The following DGKB variants were observed in gnomAD, a reference collection of about 807,000 sequenced individuals.
DGKB encodes 90 kDa diacylglycerol kinase.
In DGKB, 67 loss-of-function variants were observed where a neutral mutation model predicts 114.3. That is an observed-to-expected ratio of 0.59 (90% CI 0.48 to 0.72). The LOEUF is 0.72. Ranked by LOEUF, DGKB falls within the 30% of genes least tolerant of loss-of-function variation. The pLI is 0.00. For missense variants in DGKB, 907 were observed against 975.2 expected, an observed-to-expected ratio of 0.93 and a Z score of 0.93; for synonymous variants, 398 against 323.1, an observed-to-expected ratio of 1.23 and a Z score of -2.49.
At chr7:14,385,215 T>C (rs918894132) in intron 21 of DGKB, among the ~76,000 whole-genome samples, 2 of 152,140 alleles carry the variant, frequency 1.3e-5, no homozygotes, top group Admixed American at 1.3e-4. Context: ...TCCTGAGTTT[T>C]GTTCTGAGGG....
intron 21 of DGKB, among the ~76,000 whole-genome samples, chr7:14,395,141 G>C (rs963671444): frequency 2.0e-5 from 3 of 152,074 alleles, no homozygotes; most frequent in Non-Finnish European, 2.9e-5. Context: ...AATAGGAAAA[G>C]TAGACTAATT....
At chr7:14,789,440 C>T (rs1411872023) in intron 2 of DGKB, among the ~76,000 whole-genome samples, 1 of 152,170 alleles carries the variant, frequency 6.6e-6, no homozygotes, top group Non-Finnish European at 1.5e-5. Context: ...TTTTTTATCA[C>T]TGAATACTAT....
At chr7:14,847,076 G>T (rs1399976559) in intron 1 of DGKB, among the ~76,000 whole-genome samples, 1 of 152,042 alleles carries the variant, frequency 6.6e-6, no homozygotes, top group African/African-American at 2.4e-5. Context: ...GGATCACGAG[G>T]TCAGGAGATC....
chr7:14,753,931 G>T lies in DGKB; in HGVS notation c.165C>A (p.Asn55Lys). The T allele has an allele frequency of 1.3e-6, 2 of 1,511,442 alleles. No homozygotes were observed. The highest frequency in any genetic ancestry group is 9.0e-7 in the Non-Finnish European group (1 of 1,105,042). The allele number at this position is 1,511,442 out of a possible 1,614,324, so 93.6% of individuals were successfully genotyped here. ...AATAGAAAAGAAAATGTCTTACTTG[G>T]TTAAGAATGTCTTGTTTCTGTGCAT... The part of the protein sequence containing the change: ...YNPEGKQDIL[N>K]QTIDFEGFKL... Residue 55 changes from asparagine to lysine, a missense_variant, in exon 4 of 26, where the codon AAC (asparagine) becomes AAA (lysine). Physicochemically the swap from Asn to Lys is moderately conservative, Grantham distance 94 (BLOSUM62 0). Transcript: ENST00000402815.
chr7:14,148,826 T>G lies in DGKB; in HGVS notation c.*305A>C. ...ATGTTTCACGGGTTTTTCTCACAGG[T>G]TAGTAAAAGGAAATTGGGGAAGAGT... On this transcript the variant is annotated 3_prime_UTR_variant, in exon 26 of 26. Coordinates refer to ENST00000402815, the MANE Select transcript of DGKB (RefSeq NM_001350709.2). 1 of 381,396 alleles carries G rather than the reference T, an allele frequency of 2.6e-6. No individual in the cohort carries two copies. Among genetic ancestry groups the G allele is most frequent in the Non-Finnish European group, 4.8e-6 (1 of 209,414 alleles). The allele number at this position is 381,396 out of a possible 1,614,324, so 23.6% of individuals were successfully genotyped here.
chr7:14,162,723 G>A (rs1784085395), intron 25 of DGKB, among the ~76,000 whole-genome samples: 1 of 152,142 alleles, frequency 6.6e-6, no homozygotes, highest in Non-Finnish European at 1.5e-5. Flanking sequence ...AAAGTGAAGA[G>A]TGACAAAAAT....
chr7:14,387,759 G>A (rs1036454572), intron 21 of DGKB, among the ~76,000 whole-genome samples: 1 of 151,908 alleles, frequency 6.6e-6, no homozygotes, highest in Non-Finnish European at 1.5e-5. Flanking sequence ...TGGGTCATCA[G>A]TCATATTACT....
intron 20 of DGKB, among the ~76,000 whole-genome samples, chr7:14,506,573 A>G (rs1012228773): frequency 1.2e-4 from 19 of 152,328 alleles, no homozygotes; most frequent in Admixed American, 3.9e-4. Context: ...TTTTGATTTC[A>G]TGAATTCATT....
At chr7:14,603,486 G>C in intron 17 of DGKB, among the ~76,000 whole-genome samples, 1 of 151,962 alleles carries the variant, frequency 6.6e-6, no homozygotes, top group Non-Finnish European at 1.5e-5. Context: ...GTAGAAATTT[G>C]GTTATATAAA....
chr7:14,961,387 T>C (rs1039690197), intron 1 of DGKB, among the ~76,000 whole-genome samples: 2 of 152,126 alleles, frequency 1.3e-5, no homozygotes, highest in African/African-American at 4.8e-5. Flanking sequence ...ACATATAATT[T>C]AGGATTTTAT....
intron 10 of DGKB, 28 bp from the exon 11 acceptor site, chr7:14,682,869 G>C (rs1368644863): frequency 3.4e-6 from 5 of 1,487,044 alleles, no homozygotes; most frequent in Non-Finnish European, 4.6e-6. Context: ...CACAAATTCA[G>C]AGCTAATCCT....
At chr7:14,225,986 A>G (rs1790742126) in intron 23 of DGKB, among the ~76,000 whole-genome samples, 1 of 151,940 alleles carries the variant, frequency 6.6e-6, no homozygotes, top group Non-Finnish European at 1.5e-5. Context: ...TTGCCTCCCC[A>G]TAAGTCACCA....
intron 23 of DGKB, among the ~76,000 whole-genome samples, chr7:14,259,522 C>A (rs1042388598): frequency 1.1e-4 from 17 of 151,832 alleles, no homozygotes; most frequent in African/African-American, 4.1e-4. Context: ...TGCATCCCGG[C>A]TTCAAGTCAT....
intron 23 of DGKB, among the ~76,000 whole-genome samples, chr7:14,267,727 G>T (rs1475582757): frequency 6.6e-6 from 1 of 152,052 alleles, no homozygotes; most frequent in Non-Finnish European, 1.5e-5. Context: ...CTGACCTCGT[G>T]ATCCACCCAC....
intron 12 of DGKB, among the ~76,000 whole-genome samples, chr7:14,677,721 G>A (rs751934097): frequency 1.7e-3 from 259 of 152,058 alleles, no homozygotes; most frequent in Non-Finnish European, 4.7e-4. Flanking sequence ...TATAAGCAGT[G>A]GGATATTAAG....
At chr7:14,316,205 A>C (rs76643302) in intron 23 of DGKB, among the ~76,000 whole-genome samples, 100,507 of 151,592 alleles carry the variant, frequency 0.66, 34,323 homozygotes, top group South Asian at 0.74. Context: ...CTGACACCCT[A>C]ACATCACAAT....
chr7:14,451,545 G>GTCTC (rs34641587), intron 21 of DGKB, among the ~76,000 whole-genome samples: 17,260 of 140,998 alleles, frequency 0.12, 1,418 homozygotes, highest in African/African-American at 0.24. Flanking sequence ...CTCTCTATCT[G>GTCTC]TCTCTCTCTC....
chr7:14,477,703 G>C (rs114616157), intron 21 of DGKB, among the ~76,000 whole-genome samples: 1,778 of 152,082 alleles, frequency 0.012, 32 homozygotes, highest in African/African-American at 0.04. Flanking sequence ...ATTTATATTG[G>C]TATTGATATT....
chr7:14,884,340 G>GA (rs1477037025), intron 1 of DGKB, among the ~76,000 whole-genome samples: 1 of 151,614 alleles, frequency 6.6e-6, no homozygotes, highest in African/African-American at 2.4e-5. Context: ...AGTATTACAG[G>GA]AAAAAAAGAA....
Sources: gnomAD v4.1 joint callset for allele counts (sites outside exome capture counted in the v4.1 genomes callset) on GRCh38, gnomAD v4.1.1 for gene constraint, MANE v1.5 for transcripts, NCBI Gene and HGNC (gene_info 2026-07-23, HGNC 2026-07-21) for gene names.